Variants in KHDRBS2 observed in about 807,000 individuals in gnomAD.
The protein encoded by KHDRBS2 is KH RNA binding domain containing, signal transduction associated 2.
In KHDRBS2, 26 loss-of-function variants were observed where a neutral mutation model predicts 44.3. The observed-to-expected ratio is 0.59, with a 90% CI of 0.43 to 0.81. The LOEUF is 0.81. Among genes scored for constraint, KHDRBS2 ranks in the 40% least tolerant of loss-of-function variants. The pLI, the probability that KHDRBS2 is intolerant of heterozygous loss-of-function variation, is 0.00. For missense variants in KHDRBS2, 476 were observed against 433.1 expected (o/e 1.10, Z -0.88); for synonymous variants, 194 against 151.1 (o/e 1.28, Z -2.08).
At chr6:61,843,354 T>G (rs1483165137) in intron 6 of KHDRBS2, among the ~76,000 whole-genome samples, 1 of 148,394 alleles carries the variant, frequency 6.7e-6, no homozygotes, top group Non-Finnish European at 1.5e-5. Flanking sequence ...ATTATTATTA[T>G]TATTATTATT....
At chr6:61,732,431 T>C (rs1337538030) in intron 7 of KHDRBS2, among the ~76,000 whole-genome samples, 1 of 152,186 alleles carries the variant, frequency 6.6e-6, no homozygotes, top group Non-Finnish European at 1.5e-5. Context: ...AATACAAGCT[T>C]ATTTAACGAG....
intron 3 of KHDRBS2, among the ~76,000 whole-genome samples, chr6:62,028,239 G>GT (rs903932867): frequency 2.0e-4 from 31 of 152,006 alleles, no homozygotes; most frequent in East Asian, 3.9e-4. Context: ...AGAAATGGGA[G>GT]TTTTTTTCTT....
chr6:61,815,119 C>G (rs1299902399), intron 6 of KHDRBS2, among the ~76,000 whole-genome samples: 1 of 151,494 alleles, frequency 6.6e-6, no homozygotes, highest in Non-Finnish European at 1.5e-5. Flanking sequence ...ATATTTTCCA[C>G]CCCAGGTTGG....
chr6:61,804,047 A>G (rs377033111), intron 6 of KHDRBS2, among the ~76,000 whole-genome samples: 24 of 152,098 alleles, frequency 1.6e-4, no homozygotes, highest in African/African-American at 4.8e-4. Flanking sequence ...ATAGCCCCCC[A>G]AAGTCATAAT....
the KHDRBS2 span, among the ~76,000 whole-genome samples, chr6:61,585,067 G>C: frequency 6.6e-6 from 1 of 151,842 alleles, no homozygotes; most frequent in Admixed American, 6.6e-5. Context: ...TAGAAATTAT[G>C]TGATTTTGTG....
At chr6:62,031,187 C>T (rs1784279274) in intron 3 of KHDRBS2, among the ~76,000 whole-genome samples, 1 of 151,938 alleles carries the variant, frequency 6.6e-6, no homozygotes, top group South Asian at 2.1e-4. Context: ...GGGAAGGTGC[C>T]AGTCTTGGCA....
intron 7 of KHDRBS2, among the ~76,000 whole-genome samples, chr6:61,701,068 A>G (rs1768575227): frequency 6.6e-6 from 1 of 151,868 alleles, no homozygotes; most frequent in African/African-American, 2.4e-5. Context: ...GCAAAGAAAA[A>G]AATACTTTAG....
At chr6:62,040,450 C>A (rs1009577071) in intron 3 of KHDRBS2, among the ~76,000 whole-genome samples, 7 of 152,110 alleles carry the variant, frequency 4.6e-5, no homozygotes, top group Admixed American at 3.9e-4. Flanking sequence ...TACATGGTTT[C>A]TGTGGGTCAG....
At chr6:62,235,678 A>G (rs1833593938) in intron 1 of KHDRBS2, among the ~76,000 whole-genome samples, 1 of 152,096 alleles carries the variant, frequency 6.6e-6, no homozygotes, top group African/African-American at 2.4e-5. Context: ...ATGAAAATAG[A>G]AAAACATTCT....
intron 1 of KHDRBS2, among the ~76,000 whole-genome samples, chr6:62,280,725 A>C (rs189900672): frequency 8.5e-5 from 13 of 152,358 alleles, no homozygotes; most frequent in Admixed American, 6.5e-4. Flanking sequence ...TATTTCTTCA[A>C]ATTATTCACA....
chr6:61,742,692 A>G lies in KHDRBS2; in HGVS notation c.811-9928T>C, dbSNP rs189447065. 7.8e-4 allele frequency among the ~76,000 whole-genome samples: 118 copies of G among 152,204 alleles called. 2 individuals carry two copies. Among genetic ancestry groups the G allele is most frequent in the Non-Finnish European group, 8.8e-4 (60 of 67,970 alleles). On this transcript the variant is annotated intron_variant, in intron 6 of 8. Coordinates refer to ENST00000281156, the MANE Select transcript of KHDRBS2 (RefSeq NM_152688.4). Reference sequence around the variant, plus strand: ...ATGCAGCTTTTGTTACTGATGCAACATGGGAAGTCATTATGTATTCAAAAC... The same window carrying G: ...ATGCAGCTTTTGTTACTGATGCAACGTGGGAAGTCATTATGTATTCAAAAC...
intron 6 of KHDRBS2, among the ~76,000 whole-genome samples, chr6:61,773,050 T>A (rs943035062): frequency 2.0e-5 from 3 of 152,210 alleles, no homozygotes; most frequent in Admixed American, 2.0e-4. Context: ...TTGTTTGATA[T>A]TTGGGTTGGT....
intron 3 of KHDRBS2, among the ~76,000 whole-genome samples, chr6:62,027,816 C>T (rs1387295300): frequency 6.6e-6 from 1 of 152,062 alleles, no homozygotes; most frequent in South Asian, 2.1e-4. Flanking sequence ...GCCTTTTCCC[C>T]ATAACTTGCC....
At chr6:62,018,053 C>T (rs1207057742) in intron 3 of KHDRBS2, among the ~76,000 whole-genome samples, 1 of 151,222 alleles carries the variant, frequency 6.6e-6, no homozygotes, top group Admixed American at 6.6e-5. Context: ...TAAATAAGTA[C>T]TACTAAAATT....
chr6:61,809,594 T>C (rs1391166092), intron 6 of KHDRBS2, among the ~76,000 whole-genome samples: 6 of 152,174 alleles, frequency 3.9e-5, no homozygotes, highest in Admixed American at 2.0e-4. Flanking sequence ...GTTTTATTGA[T>C]ACTTGAACTA....
chr6:61,600,110 G>GATTT, the KHDRBS2 span, among the ~76,000 whole-genome samples: 10 of 152,088 alleles, frequency 6.6e-5, no homozygotes, highest in Non-Finnish European at 7.4e-5. Context: ...GACAAATAGT[G>GATTT]ATTTATTTAT....
the KHDRBS2 span, among the ~76,000 whole-genome samples, chr6:61,673,799 TC>T: frequency 7.0e-6 from 1 of 142,408 alleles, no homozygotes; most frequent in East Asian, 2.0e-4. Flanking sequence ...GGAAGAACAT[TC>T]CATGCTCATG....
At chr6:61,545,046 G>A in the KHDRBS2 span, among the ~76,000 whole-genome samples, 5 of 152,028 alleles carry the variant, frequency 3.3e-5, no homozygotes, top group East Asian at 7.8e-4. Flanking sequence ...AAACCTGCAC[G>A]TTGGGCACAT....
the KHDRBS2 span, among the ~76,000 whole-genome samples, chr6:61,640,762 A>C: frequency 6.6e-6 from 1 of 152,138 alleles, no homozygotes; most frequent in South Asian, 2.1e-4. Flanking sequence ...CAGAAGAAAA[A>C]CGATGTGATG....
Sources: gnomAD v4.1 joint callset for allele counts (sites outside exome capture counted in the v4.1 genomes callset) on GRCh38, gnomAD v4.1.1 for gene constraint, MANE v1.5 for transcripts, NCBI Gene and HGNC (gene_info 2026-07-23, HGNC 2026-07-21) for gene names.